The following MAP2 variants were observed in gnomAD, a reference collection of about 807,000 sequenced individuals.
The protein encoded by MAP2 is microtubule associated protein 2.
MAP2 carries 14 observed loss-of-function variants against 137.6 expected under a neutral mutation model. That is an observed-to-expected ratio of 0.10 (90% confidence interval 0.07 to 0.16). The LOEUF (loss-of-function observed/expected upper bound fraction) is 0.16, where lower values mean the gene tolerates loss of function less well. MAP2 is among the 10% of genes least tolerant of loss of function. The pLI is 1.00. For synonymous variants in MAP2, 786 were observed against 782.3 expected, an observed-to-expected ratio of 1.00 and a Z score of -0.08; for missense variants, 2,088 against 2,191.5, an observed-to-expected ratio of 0.95 and a Z score of 0.94.
At chr2:209,482,388 C>T (rs781691726) in intron 1 of MAP2, among the ~76,000 whole-genome samples, 6 of 152,172 alleles carry the variant, frequency 3.9e-5, no homozygotes, top group Admixed American at 6.5e-5. Flanking sequence ...GAAATAATGT[C>T]ACCATCAGAA....
chr2:209,709,978 T>G lies in MAP2; in HGVS notation c.4797T>G (p.Thr1599=). The change falls in exon 13 of 16, where the codon ACT becomes ACG. Residue 1599 remains threonine, a synonymous_variant. Coordinates refer to ENST00000682079, the MANE Select transcript of MAP2 (RefSeq NM_001375505.1). ...GTSTPTTPGS[T]AITPGTPPSY... The stretch of plus-strand genomic sequence containing the variant: ...CAACACCCACTACCCCTGGGTCTAC[T>G]GCCATCACTCCTGGCACCCCACCAA... 1.2e-6 allele frequency: 2 copies of G among 1,614,006 alleles called. No homozygotes were observed. The highest frequency in any genetic ancestry group is 1.7e-6 in the Non-Finnish European group (2 of 1,179,976).
At chr2:209,547,324 C>CT (rs35067972) in intron 2 of MAP2, among the ~76,000 whole-genome samples, 41,093 of 149,496 alleles carry the variant, frequency 0.27, 9,463 homozygotes, top group African/African-American at 0.64. Context: ...CACCTGAATT[C>CT]TTTTTTTTTT....
At chr2:209,558,918 G>A (rs1488628867) in intron 2 of MAP2, among the ~76,000 whole-genome samples, 2 of 151,716 alleles carry the variant, frequency 1.3e-5, no homozygotes, top group Non-Finnish European at 1.5e-5. Flanking sequence ...GATGATATTG[G>A]ACACTTTTTA....
chr2:209,722,918 A>G (rs181821885), intron 13 of MAP2, among the ~76,000 whole-genome samples: 1 of 152,358 alleles, frequency 6.6e-6, no homozygotes, highest in Admixed American at 6.5e-5. Context: ...TAATGCTTCC[A>G]TATGATCATC....
At chr2:209,661,211 C>T (rs778138076) in intron 5 of MAP2, among the ~76,000 whole-genome samples, 1 of 152,124 alleles carries the variant, frequency 6.6e-6, no homozygotes, top group Non-Finnish European at 1.5e-5. Context: ...CCCCTGCCTC[C>T]GTTTCTAGAT....
At chr2:209,582,085 A>G (rs1457590962) in intron 3 of MAP2, among the ~76,000 whole-genome samples, 1 of 152,122 alleles carries the variant, frequency 6.6e-6, no homozygotes, top group African/African-American at 2.4e-5. Context: ...TACATTTTTA[A>G]CACATAGTAT....
chr2:209,680,601 G>T, intron 6 of MAP2, 149 bp from the exon 7 acceptor site: 3 of 656,186 alleles, frequency 4.6e-6, no homozygotes, highest in Non-Finnish European at 5.4e-6. Context: ...CAGGTAATGG[G>T]CCTATAAATA....
intron 5 of MAP2, among the ~76,000 whole-genome samples, chr2:209,660,682 AC>A (rs1285650500): frequency 6.8e-6 from 1 of 146,618 alleles, no homozygotes; most frequent in Non-Finnish European, 1.5e-5. Context: ...GGCGTGAGCC[AC>A]CGTGCCCGGC....
At chr2:209,577,606 T>C (rs1051504314) in intron 2 of MAP2, among the ~76,000 whole-genome samples, 1 of 152,206 alleles carries the variant, frequency 6.6e-6, no homozygotes, top group Non-Finnish European at 1.5e-5. Context: ...ATCATTATTA[T>C]TGTAATTTTT....
intron 2 of MAP2, among the ~76,000 whole-genome samples, chr2:209,553,818 ATAGT>A (rs2069813807): frequency 6.6e-6 from 1 of 152,200 alleles, no homozygotes; most frequent in Non-Finnish European, 1.5e-5. Context: ...TAATTTCTTG[ATAGT>A]TAGTGGTATG....
chr2:209,723,462 G>A (rs2072270913), intron 13 of MAP2: 3 of 640,614 alleles, frequency 4.7e-6, no homozygotes, highest in South Asian at 3.7e-5. Flanking sequence ...CAGTTCCAGT[G>A]TTAGATTTTC....
At chr2:209,488,722 A>C (rs2058701128) in intron 1 of MAP2, among the ~76,000 whole-genome samples, 1 of 152,190 alleles carries the variant, frequency 6.6e-6, no homozygotes, top group Admixed American at 6.5e-5. Flanking sequence ...CCACTGTAGC[A>C]AGACTGCCTC....
chr2:209,645,313 A>G (rs1223017270), intron 4 of MAP2, among the ~76,000 whole-genome samples: 1 of 152,240 alleles, frequency 6.6e-6, no homozygotes, highest in African/African-American at 2.4e-5. Flanking sequence ...ACACTTAGAT[A>G]ACCAACCAAA....
chr2:209,463,842 G>A (rs1176566189), intron 1 of MAP2, among the ~76,000 whole-genome samples: 1 of 152,076 alleles, frequency 6.6e-6, no homozygotes, highest in Non-Finnish European at 1.5e-5. Context: ...ACTATTATTT[G>A]CCTGAGTCAA....
rs562678115 is a variant in MAP2, at chr2:209,616,136, G to A, written c.-106-8917G>A. Among the ~76,000 whole-genome samples, 17 of 152,256 alleles carry A rather than the reference G, an allele frequency of 1.1e-4. No homozygotes were observed. In the South Asian group the frequency reaches 3.3e-3, roughly 30 times the overall value. Reference sequence around the variant, plus strand: ...CTTCTTGGGCATGGTACAAGAGCTCGGGAACCACCAAACAGAGGTACCAGC... The same window carrying A: ...CTTCTTGGGCATGGTACAAGAGCTCAGGAACCACCAAACAGAGGTACCAGC... On this transcript the variant is annotated intron_variant, in intron 3 of 15. Transcript: ENST00000682079.
chr2:209,450,003 G>T (rs538588030), intron 1 of MAP2, among the ~76,000 whole-genome samples: 2 of 152,044 alleles, frequency 1.3e-5, no homozygotes, highest in African/African-American at 4.8e-5. Flanking sequence ...GTGCAGTGGC[G>T]CAATCTCATG....
At chr2:209,584,119 T>A (rs2077143541) in intron 3 of MAP2, among the ~76,000 whole-genome samples, 1 of 152,146 alleles carries the variant, frequency 6.6e-6, no homozygotes, top group African/African-American at 2.4e-5. Context: ...TTTTTATGGC[T>A]GTGTAGTATT....
At chr2:209,456,273 C>T (rs1283272004) in intron 1 of MAP2, among the ~76,000 whole-genome samples, 1 of 152,080 alleles carries the variant, frequency 6.6e-6, no homozygotes, top group Non-Finnish European at 1.5e-5. Context: ...TGGTTTTCTG[C>T]TTATAGTATT....
intron 3 of MAP2, among the ~76,000 whole-genome samples, chr2:209,589,598 T>C (rs1033024083): frequency 4.6e-5 from 7 of 152,138 alleles, no homozygotes; most frequent in Non-Finnish European, 8.8e-5. Flanking sequence ...TAAATACTAG[T>C]AAAAATAGCA....
Sources: allele counts gnomAD v4.1 joint callset (sites outside exome capture counted in the v4.1 genomes callset), GRCh38; gene constraint gnomAD v4.1.1; transcripts MANE v1.5; gene names NCBI Gene and HGNC (gene_info 2026-07-23, HGNC 2026-07-21).